Variants in EXTL2 observed in about 807,000 individuals in gnomAD.
EXTL2 encodes exostosin like glycosyltransferase 2.
EXTL2 carries 23 observed loss-of-function variants against 30.7 expected under a neutral mutation model. The ratio of observed to expected loss-of-function variants is 0.75; its 90% CI spans 0.54 to 1.06. The LOEUF (loss-of-function observed/expected upper bound fraction) is 1.06. Ranked by LOEUF, EXTL2 falls within the 50% of genes least tolerant of loss-of-function variation. The probability of loss-of-function intolerance (pLI) is 0.00; values close to 1 mark genes in which losing one functional copy is unlikely to be tolerated. For synonymous variants in EXTL2, 123 were observed against 133.8 expected, an observed-to-expected ratio of 0.92 and a Z score of 0.56; for missense variants, 352 against 396.3, an observed-to-expected ratio of 0.89 and a Z score of 0.95.
chr1:100,875,895 A>T (rs563267022), intron 4 of EXTL2, among the ~76,000 whole-genome samples: 75 of 152,166 alleles, frequency 4.9e-4, no homozygotes, highest in African/African-American at 1.8e-3. Context: ...AGAAGCTTTC[A>T]TGTATTTCAT....
intron 2 of EXTL2, chr1:100,885,900 T>C (rs974471938): frequency 3.3e-5 from 5 of 152,362 alleles, no homozygotes; most frequent in African/African-American, 1.2e-4. Flanking sequence ...TTCCTGTTAC[T>C]TTTTTCACAA....
intron 2 of EXTL2, among the ~76,000 whole-genome samples, chr1:100,881,358 T>C (rs1336950873): frequency 6.6e-6 from 1 of 152,206 alleles, no homozygotes; most frequent in Non-Finnish European, 1.5e-5. Flanking sequence ...TCTGTTCTTC[T>C]TTTAGAGAAA....
intron 2 of EXTL2, chr1:100,878,561 C>T (rs1185991915): frequency 1.8e-5 from 8 of 442,302 alleles, no homozygotes; most frequent in South Asian, 6.6e-5. Context: ...TCTGGGGTAG[C>T]GGGTATGAAG....
intron 1 of EXTL2, among the ~76,000 whole-genome samples, chr1:100,892,959 T>A (rs900223561): frequency 7.2e-5 from 11 of 152,172 alleles, no homozygotes; most frequent in Non-Finnish European, 1.6e-4. Flanking sequence ...TGCTGACCAT[T>A]GCCCAAAAGG....
intron 1 of EXTL2, among the ~76,000 whole-genome samples, chr1:100,894,236 A>G (rs960452420): frequency 2.6e-5 from 4 of 152,154 alleles, no homozygotes; most frequent in African/African-American, 9.7e-5. Flanking sequence ...ATTTATCTTT[A>G]AACTATCTAG....
At chr1:100,884,100 A>G (rs1649775411) in intron 2 of EXTL2, among the ~76,000 whole-genome samples, 1 of 152,210 alleles carries the variant, frequency 6.6e-6, no homozygotes, top group African/African-American at 2.4e-5. Context: ...AGAAGCTGAA[A>G]ACAAACATGC....
intron 2 of EXTL2, 124 bp downstream of exon 2, chr1:100,888,629 G>T: frequency 4.5e-6 from 2 of 441,504 alleles, no homozygotes; most frequent in South Asian, 7.4e-5. Flanking sequence ...GAGATCGGCC[G>T]CACAACAATG....
At chr1:100,894,181 A>G (rs1650659734) in intron 1 of EXTL2, among the ~76,000 whole-genome samples, 1 of 152,166 alleles carries the variant, frequency 6.6e-6, no homozygotes, top group African/African-American at 2.4e-5. Context: ...GTTAAATCAT[A>G]TTGAATAAGG....
Position 100,873,748 on chromosome 1 carries a change from T to A in EXTL2, c.*194A>T, listed in dbSNP as rs1360562908. On this transcript the variant is annotated 3_prime_UTR_variant, in exon 5 of 5. Coordinates refer to ENST00000370114, the MANE Select transcript of EXTL2 (RefSeq NM_001033025.3). Reference sequence around the variant, plus strand: ...GATGAAAACTCTTCATAAGAAGACCTAACTGGATAAGACCAACTTCTTGGC... The same window carrying A: ...GATGAAAACTCTTCATAAGAAGACCAAACTGGATAAGACCAACTTCTTGGC... 2 of 524,376 alleles carry A rather than the reference T, an allele frequency of 3.8e-6. No homozygotes were observed. The highest frequency in any genetic ancestry group is 7.7e-5 in the Admixed American group (2 of 26,120). 32.5% of individuals were successfully genotyped at this position (524,376 alleles called of 1,614,324 possible). A position where few individuals can be genotyped will look rare whatever the true frequency, so the allele number is the denominator to read the frequency against.
intron 2 of EXTL2, among the ~76,000 whole-genome samples, chr1:100,886,330 G>A (rs928671783): frequency 2.6e-5 from 4 of 152,204 alleles, no homozygotes; most frequent in African/African-American, 9.7e-5. Context: ...AGGTCATTTA[G>A]CACTGCAAGC....
intron 2 of EXTL2, chr1:100,888,389 T>A (rs1013805737): frequency 5.6e-6 from 1 of 178,312 alleles, no homozygotes; most frequent in African/African-American, 2.3e-5. Flanking sequence ...AATTAGGGAA[T>A]TCTGATACAT....
chr1:100,885,867 T>C (rs1649919959), intron 2 of EXTL2: 1 of 152,268 alleles, frequency 6.6e-6, no homozygotes, highest in Admixed American at 6.5e-5. Flanking sequence ...GTAGCTCTTC[T>C]ATTCTTACGA....
At position 100,874,079 on chromosome 1, in the gene EXTL2, G is replaced by A. The variant is rs200997633; in HGVS notation, c.856C>T (p.Arg286Ter). The A allele has an allele frequency of 9.9e-6, 16 of 1,612,934 alleles. No homozygotes were observed. The highest frequency in any genetic ancestry group is 3.3e-4 in the Middle Eastern group (2 of 5,998). Residue 286 changes from arginine (R) to a stop codon, truncating the protein, a stop_gained, in exon 5 of 5, where the codon CGA becomes TGA. Transcript: ENST00000370114. LOFTEE classifies it high-confidence loss of function. The stretch of plus-strand genomic sequence containing the variant: ...GACCTCTGCAGAGCGTGCTCAGCTC[G>A]ATGCCACATTCCAGAATAGCCACTG... Reference protein sequence around the residue: ...TNSGYSGMWHRAEHALQRSYC... With the variant: ...TNSGYSGMWH
rs1648778005 is a variant in EXTL2 at position 100,872,546 on chromosome 1, CAT to C, written c.*1394_*1395del. The C allele has an allele frequency of 1.3e-5, 2 of 152,138 alleles. No homozygotes were observed. The highest frequency in any genetic ancestry group is 1.3e-4 in the Admixed American group (2 of 15,198). 9.4% of individuals were successfully genotyped at this position (152,138 alleles called of 1,614,324 possible). ...TTTACAATCTGACTGCATTAAGACA[CAT>C]ATACTCTTTAATGTAAAAAAAAAAC... On this transcript the variant is annotated 3_prime_UTR_variant, in exon 5 of 5. Transcript: ENST00000370114.
chr1:100,873,269 C>T lies in EXTL2; in HGVS notation c.*673G>A, dbSNP rs1185132301. The T allele has an allele frequency of 6.6e-6, 1 of 151,954 alleles. No homozygotes were observed. The highest frequency in any genetic ancestry group is 2.4e-5 in the African/African-American group (1 of 41,390). 9.4% of individuals were successfully genotyped at this position (151,954 alleles called of 1,614,324 possible). On this transcript the variant is annotated 3_prime_UTR_variant, in exon 5 of 5. Transcript: ENST00000370114. ...AATACAGGGTATATTGTTTTGTGAT[C>T]CATGCAGTAAATGTTCACAAATATC...
intron 1 of EXTL2, 71 bp from the exon 2 acceptor site, chr1:100,888,899 A>C: frequency 1.9e-6 from 1 of 538,908 alleles, no homozygotes. Context: ...AACAAAACAA[A>C]AAATGGTGCT....
intron 1 of EXTL2, among the ~76,000 whole-genome samples, chr1:100,891,734 CA>C (rs1650438150): frequency 6.6e-6 from 1 of 152,180 alleles, no homozygotes; most frequent in Admixed American, 6.5e-5. Context: ...GGAAAAGTTG[CA>C]AATCTTATGA....
At chr1:100,893,074 T>C (rs771457074) in intron 1 of EXTL2, among the ~76,000 whole-genome samples, 14 of 152,320 alleles carry the variant, frequency 9.2e-5, no homozygotes, top group African/African-American at 1.2e-4. Context: ...TTTCCACCCA[T>C]AGAGTCTGCA....
At chr1:100,876,768 T>G (rs188187043) in intron 4 of EXTL2, 26 bp downstream of exon 4, 1 of 1,577,990 alleles carries the variant, frequency 6.3e-7, no homozygotes, top group Admixed American at 1.7e-5. Flanking sequence ...ATAAAGACGG[T>G]TTCATAAAAG....
Sources: gnomAD v4.1 joint callset for allele counts (sites outside exome capture counted in the v4.1 genomes callset) on GRCh38, gnomAD v4.1.1 for gene constraint, MANE v1.5 for transcripts, NCBI Gene and HGNC (gene_info 2026-07-23, HGNC 2026-07-21) for gene names.